CIRSR: variants seen among roughly 807,000 people sequenced by gnomAD.
CIRSR encodes CBF1 (RBPJ) interacting corepressor 1.
the CIRSR span, among the ~76,000 whole-genome samples, chr2:174,372,503 A>C: frequency 2.6e-5 from 4 of 152,264 alleles, no homozygotes; most frequent in African/African-American, 9.6e-5. Context: ...CATATCATTA[A>C]GAAATCTTCA....
At chr2:174,395,407 A>G in the CIRSR span, 1 of 774,012 alleles carries the variant, frequency 1.3e-6, no homozygotes. Context: ...TGCTCAGCAG[A>G]GAAAGGCGAG....
At chr2:174,352,394 T>G in the CIRSR span, among the ~76,000 whole-genome samples, 1 of 152,232 alleles carries the variant, frequency 6.6e-6, no homozygotes. Context: ...CTTCCACTTT[T>G]GCAAAATCTC....
At chr2:174,364,203 C>T in the CIRSR span, among the ~76,000 whole-genome samples, 30 of 152,180 alleles carry the variant, frequency 2.0e-4, no homozygotes, top group Admixed American at 5.2e-4. Context: ...TCCAGCAGGA[C>T]GGTCAAATCT....
chr2:174,378,577 C>A, the CIRSR span: 821 of 292,616 alleles, frequency 2.8e-3, 8 homozygotes, highest in African/African-American at 0.017. Flanking sequence ...TCAGTACAGT[C>A]TATTTTTATA....
At chr2:174,367,740 T>C in the CIRSR span, among the ~76,000 whole-genome samples, 1 of 110,916 alleles carries the variant, frequency 9.0e-6, no homozygotes, top group African/African-American at 4.4e-5. Context: ...AGAGATGCTG[T>C]CTCTTAAAAA....
chr2:174,349,564 TAAAAAAAAAAA>T, the CIRSR span, among the ~76,000 whole-genome samples: 2 of 105,128 alleles, frequency 1.9e-5, no homozygotes, highest in African/African-American at 6.9e-5. Context: ...GACTCTGTCT[TAAAAAAAAAAA>T]AAAAAAAAAA....
the CIRSR span, among the ~76,000 whole-genome samples, chr2:174,365,327 A>C: frequency 6.6e-6 from 1 of 152,216 alleles, no homozygotes; most frequent in African/African-American, 2.4e-5. Context: ...CTATTCAACA[A>C]GTCTCTAGGA....
At chr2:174,371,466 T>C in the CIRSR span, among the ~76,000 whole-genome samples, 15 of 152,328 alleles carry the variant, frequency 9.8e-5, no homozygotes, top group African/African-American at 3.4e-4. Flanking sequence ...AATTGTATTG[T>C]AGTATAAAAA....
At chr2:174,353,246 CA>C in the CIRSR span, among the ~76,000 whole-genome samples, 1 of 152,072 alleles carries the variant, frequency 6.6e-6, no homozygotes, top group Non-Finnish European at 1.5e-5. Flanking sequence ...TAAAAACAAA[CA>C]AAAACACCTG....
the CIRSR span, chr2:174,349,067 TGAGGAAGAA>T: frequency 3.8e-6 from 6 of 1,584,604 alleles, no homozygotes; most frequent in Non-Finnish European, 4.3e-6. Context: ...AGGAGGAAGA[TGAGGAAGAA>T]GAGGACTTAT....
the CIRSR span, chr2:174,380,550 A>G: frequency 1.9e-6 from 2 of 1,030,272 alleles, no homozygotes; most frequent in African/African-American, 1.6e-5. Context: ...TTTTCACATC[A>G]GTTGCCTCCT....
At chr2:174,356,126 G>C in the CIRSR span, among the ~76,000 whole-genome samples, 1 of 152,036 alleles carries the variant, frequency 6.6e-6, no homozygotes, top group East Asian at 1.9e-4. Context: ...TATTAAGTAG[G>C]AGAAAAGGGG....
At chr2:174,359,255 T>C in the CIRSR span, among the ~76,000 whole-genome samples, 1 of 151,614 alleles carries the variant, frequency 6.6e-6, no homozygotes, top group East Asian at 1.9e-4. Context: ...ATGCTCTGTA[T>C]CTTGTCAGGG....
the CIRSR span, among the ~76,000 whole-genome samples, chr2:174,362,161 C>G: frequency 2.0e-5 from 3 of 151,928 alleles, no homozygotes; most frequent in Non-Finnish European, 1.5e-5. Flanking sequence ...TGAAAATGAG[C>G]CAGGCATTGT....
chr2:174,387,486 T>G, the CIRSR span: 5 of 486,620 alleles, frequency 1.0e-5, no homozygotes, highest in South Asian at 1.3e-4. Context: ...TGAATCTATA[T>G]TTTACGTGAA....
chr2:174,366,241 G>A, the CIRSR span, among the ~76,000 whole-genome samples: 1 of 152,106 alleles, frequency 6.6e-6, no homozygotes, highest in African/African-American at 2.4e-5. Context: ...GTGTATAATG[G>A]AAATAATAGA....
the CIRSR span, chr2:174,349,148 T>C: frequency 6.8e-7 from 1 of 1,476,890 alleles, no homozygotes. Context: ...TTTTCTTTTT[T>C]TTCTTCTCCA....
At chr2:174,387,808 A>G in the CIRSR span, 1 of 1,526,354 alleles carries the variant, frequency 6.6e-7, no homozygotes, top group African/African-American at 1.4e-5. Context: ...AATGCAAATT[A>G]AATTGTTGGA....
the CIRSR span, among the ~76,000 whole-genome samples, chr2:174,384,742 A>T: frequency 1.3e-5 from 2 of 150,088 alleles, no homozygotes; most frequent in Non-Finnish European, 3.0e-5. Flanking sequence ...GAAAAAAAAT[A>T]ATAATAAAAC....
Sources: gnomAD v4.1 joint callset for allele counts (sites outside exome capture counted in the v4.1 genomes callset) on GRCh38, gnomAD v4.1.1 for gene constraint, MANE v1.5 for transcripts, NCBI Gene and HGNC (gene_info 2026-07-23, HGNC 2026-07-21) for gene names.